Variants in LUZP2 observed in about 807,000 individuals in gnomAD.
LUZP2 encodes the protein leucine zipper protein 2.
In LUZP2, 52 loss-of-function variants were observed where a neutral mutation model predicts 51.6. That is an observed-to-expected ratio of 1.01 (90% confidence interval 0.81 to 1.27). The LOEUF is 1.27. LUZP2 is among the 50% of genes most tolerant of loss of function. The pLI is 0.00. For synonymous variants in LUZP2, 154 were observed against 137.3 expected, an observed-to-expected ratio of 1.12 and a Z score of -0.85; for missense variants, 436 against 395.4, an observed-to-expected ratio of 1.10 and a Z score of -0.87.
At chr11:24,648,985 A>G (rs544578749) in intron 1 of LUZP2, among the ~76,000 whole-genome samples, 2 of 152,126 alleles carry the variant, frequency 1.3e-5, no homozygotes, top group South Asian at 2.1e-4. Flanking sequence ...CCTTTTTCCA[A>G]TAAGGGTATT....
At chr11:24,926,262 T>C (rs1266640746) in intron 7 of LUZP2, among the ~76,000 whole-genome samples, 1 of 53,940 alleles carries the variant, frequency 1.9e-5, no homozygotes, top group Non-Finnish European at 4.0e-5. Flanking sequence ...TACGTGTGTG[T>C]ATATATATAC....
At chr11:24,737,805 C>A (rs1308767016) in intron 3 of LUZP2, among the ~76,000 whole-genome samples, 1 of 152,010 alleles carries the variant, frequency 6.6e-6, no homozygotes, top group Non-Finnish European at 1.5e-5. Flanking sequence ...TAATTAAGAG[C>A]ATCAGAAGGG....
chr11:24,608,015 A>T (rs999148729), intron 1 of LUZP2, among the ~76,000 whole-genome samples: 2 of 151,466 alleles, frequency 1.3e-5, no homozygotes, highest in Non-Finnish European at 2.9e-5. Context: ...CGCCCAGCTA[A>T]TTTTTTTGTA....
intron 3 of LUZP2, among the ~76,000 whole-genome samples, chr11:24,737,764 G>GC (rs1858997244): frequency 6.6e-6 from 1 of 152,022 alleles, no homozygotes; most frequent in Non-Finnish European, 1.5e-5. Flanking sequence ...CCTTACAAAG[G>GC]ATGTATAAAG....
rs569406091 is a variant in LUZP2 at position 24,767,335 on chromosome 11, A to G, written c.396+4027A>G. 2.0e-5 allele frequency among the ~76,000 whole-genome samples: 3 copies of G among 152,250 alleles called. No individual in the cohort carries two copies. In the East Asian group the frequency reaches 5.8e-4, roughly 30 times the overall value. On this transcript the variant is annotated intron_variant, in intron 5 of 11. Coordinates refer to ENST00000336930, the MANE Select transcript of LUZP2 (RefSeq NM_001009909.4). ...TAACTGAGATATAATACCATTTTTG[A>G]AGAGTTTATTTGAGCAAACAACAAT...
chr11:24,692,974 T>TA (rs1857124365), intron 1 of LUZP2, among the ~76,000 whole-genome samples: 1 of 151,928 alleles, frequency 6.6e-6, no homozygotes, highest in African/African-American at 2.4e-5. Flanking sequence ...AGTTTTTTTT[T>TA]ATGTTTCTCC....
intron 5 of LUZP2, chr11:24,786,405 C>A (rs1325651228): frequency 1.0e-6 from 1 of 981,556 alleles, no homozygotes; most frequent in African/African-American, 1.8e-5. Context: ...TTTTTCTTTC[C>A]ACTTAGTATA....
intron 1 of LUZP2, among the ~76,000 whole-genome samples, chr11:24,720,534 A>G (rs1027400021): frequency 2.6e-5 from 4 of 152,200 alleles, no homozygotes; most frequent in African/African-American, 9.6e-5. Flanking sequence ...GAACCAATGC[A>G]TTTATTAGAC....
chr11:24,958,135 C>T (rs920074995), intron 7 of LUZP2, among the ~76,000 whole-genome samples: 2 of 152,140 alleles, frequency 1.3e-5, no homozygotes, highest in African/African-American at 4.8e-5. Flanking sequence ...GCCACATTTT[C>T]TTAATCCAGT....
chr11:24,927,393 T>C (rs1590741947), intron 7 of LUZP2, among the ~76,000 whole-genome samples: 1 of 152,106 alleles, frequency 6.6e-6, no homozygotes, highest in African/African-American at 2.4e-5. Context: ...TGGCTTCAGG[T>C]CTTAGATTTA....
At chr11:25,062,802 C>G (rs1858883038) in intron 10 of LUZP2, among the ~76,000 whole-genome samples, 1 of 151,114 alleles carries the variant, frequency 6.6e-6, no homozygotes, top group South Asian at 2.1e-4. Flanking sequence ...ATATTATATG[C>G]TACCAGATTA....
At chr11:25,048,950 C>G (rs895737378) in intron 9 of LUZP2, among the ~76,000 whole-genome samples, 1 of 151,738 alleles carries the variant, frequency 6.6e-6, no homozygotes, top group African/African-American at 2.4e-5. Flanking sequence ...ATTCTAGTTG[C>G]TTTATTCATG....
At chr11:24,789,132 G>T (rs866382487) in intron 5 of LUZP2, among the ~76,000 whole-genome samples, 2 of 152,148 alleles carry the variant, frequency 1.3e-5, no homozygotes. Flanking sequence ...ACTCTGCTGT[G>T]TGCCCAGGAA....
chr11:24,895,574 A>C (rs7479151), intron 5 of LUZP2, among the ~76,000 whole-genome samples: 84,195 of 151,924 alleles, frequency 0.55, 23,665 homozygotes, highest in East Asian at 0.78. Flanking sequence ...CCATGAGTAC[A>C]CAATATTTAG....
intron 5 of LUZP2, among the ~76,000 whole-genome samples, chr11:24,778,811 T>C (rs1849013028): frequency 6.6e-6 from 1 of 152,220 alleles, no homozygotes; most frequent in South Asian, 2.1e-4. Context: ...GAGGTTTGCA[T>C]AAAATGATCC....
intron 5 of LUZP2, among the ~76,000 whole-genome samples, chr11:24,873,360 T>C (rs1852143602): frequency 6.6e-6 from 1 of 152,206 alleles, no homozygotes; most frequent in Admixed American, 6.6e-5. Context: ...AGATCATTTA[T>C]ATATAATAAG....
rs1290131232 is a variant in LUZP2, at chr11:24,786,142, G to A, written c.396+22834G>A. On this transcript the variant is annotated intron_variant, in intron 5 of 11. Coordinates refer to ENST00000336930, the MANE Select transcript of LUZP2 (RefSeq NM_001009909.4). ...TCACAAATCCCTCAAAGTTATGAAG[G>A]CGTTGTAAAATATATGTCTCAGGGA... 3 of 985,016 alleles carry A rather than the reference G, an allele frequency of 3.0e-6. No homozygotes were observed. In the African/African-American group the frequency reaches 5.2e-5, roughly 17 times the overall value. The allele number at this position is 985,016 out of a possible 1,614,324, so 61.0% of individuals were successfully genotyped here.
intron 10 of LUZP2, among the ~76,000 whole-genome samples, chr11:25,065,030 CA>C (rs1273888607): frequency 6.6e-6 from 1 of 152,004 alleles, no homozygotes; most frequent in African/African-American, 2.4e-5. Flanking sequence ...CATTGACAGG[CA>C]TAGTAAAAAA....
At position 25,078,699 on chromosome 11, in the gene LUZP2, C is replaced by T; in HGVS notation, c.*41C>T. On this transcript the variant is annotated 3_prime_UTR_variant, in exon 12 of 12. Transcript: ENST00000336930. Reference sequence around the variant, plus strand: ...GTTAAAAACGTCCATTTGCTATTGTCTTCATATTCTTTTTAGACCACAAGC... The same window carrying T: ...GTTAAAAACGTCCATTTGCTATTGTTTTCATATTCTTTTTAGACCACAAGC... The T allele has an allele frequency of 7.0e-7, 1 of 1,423,422 alleles. No homozygotes were observed. Among genetic ancestry groups the T allele is most frequent in the South Asian group, 1.2e-5 (1 of 81,138 alleles). The allele number at this position is 1,423,422 out of a possible 1,614,324, so 88.2% of individuals were successfully genotyped here. A position where few individuals can be genotyped will look rare whatever the true frequency, so the allele number is the denominator to read the frequency against.
Sources: allele counts gnomAD v4.1 joint callset (sites outside exome capture counted in the v4.1 genomes callset), GRCh38; gene constraint gnomAD v4.1.1; transcripts MANE v1.5; gene names NCBI Gene and HGNC (gene_info 2026-07-23, HGNC 2026-07-21).